HPX: variants seen among roughly 807,000 people sequenced by gnomAD.
HPX encodes the protein beta-1B-glycoprotein.
In HPX, 42 loss-of-function variants were observed where a neutral mutation model predicts 53.8. The observed-to-expected ratio is 0.78, with a 90% CI of 0.61 to 1.01. The LOEUF (loss-of-function observed/expected upper bound fraction) is 1.01, where lower values mean the gene tolerates loss of function less well. Among genes scored for constraint, HPX ranks in the 50% least tolerant of loss-of-function variants. HPX has a pLI of 0.00. For missense variants in HPX, 547 were observed against 594.3 expected (o/e 0.92, Z 0.83); for synonymous variants, 229 against 221.1 (o/e 1.04, Z -0.32).
In HPX at chr11:6,431,399, C is replaced by T. The variant is rs760245283; in HGVS notation, c.1201G>A (p.Glu401Lys). The change falls in exon 10 of 10, where the codon GAG becomes AAG. Residue 401 changes from glutamate (E) to lysine (K), a missense_variant. Physicochemically the swap from Glu to Lys is moderately conservative, Grantham distance 56 (BLOSUM62 1). Transcript: ENST00000265983. ...ATACACAAGGCTCCGTCTACCTTCT[C>T]ATGGGGCCAAGGAAGCTCTGTCCAC... Reference protein sequence around the residue: ...ATWTELPWPHEKVDGALCMEK... With the variant: ...ATWTELPWPHKKVDGALCMEK... The T allele has an allele frequency of 6.2e-7, 1 of 1,614,258 alleles. No homozygotes were observed. The highest frequency in any genetic ancestry group is 2.2e-5 in the East Asian group (1 of 44,894).
chr11:6,439,376 A>T (rs1421262159), intron 4 of HPX, among the ~76,000 whole-genome samples: 1 of 152,230 alleles, frequency 6.6e-6, no homozygotes, highest in Non-Finnish European at 1.5e-5. Context: ...CAGGAAACAC[A>T]GGAGGAAAGG....
intron 7 of HPX, among the ~76,000 whole-genome samples, chr11:6,434,506 T>G (rs959515974): frequency 3.3e-5 from 5 of 152,112 alleles, no homozygotes; most frequent in African/African-American, 1.2e-4. Flanking sequence ...ATTTTTTGTA[T>G]TTTTAGTAGA....
chr11:6,440,507 A>C lies in HPX; in HGVS notation c.174T>G (p.Ala58=). ...ERCSDGWSFD[A]TTLDDNGTML... ...TGGTTCCATTGTCATCCAGGGTGGT[A>C]GCATCAAAGCTCCAGCCATCTGAGC... is the stretch of plus-strand genomic sequence containing the variant. Residue 58 remains alanine (A), a synonymous_variant, in exon 3 of 10, where the codon GCT becomes GCG. Transcript: ENST00000265983. 6.5e-7 allele frequency: 1 copy of C among 1,546,630 alleles called. No individual in the cohort carries two copies. Among genetic ancestry groups the C allele is most frequent in the South Asian group, 1.1e-5 (1 of 89,914 alleles).
intron 7 of HPX, among the ~76,000 whole-genome samples, chr11:6,435,176 G>A (rs77400169): frequency 1.3e-5 from 2 of 152,278 alleles, no homozygotes; most frequent in African/African-American, 4.8e-5. Flanking sequence ...ACGGGAGGCT[G>A]AGGCAGGAGG....
intron 7 of HPX, 142 bp downstream of exon 7, chr11:6,436,904 T>A: frequency 1.1e-6 from 1 of 883,686 alleles, no homozygotes; most frequent in Non-Finnish European, 1.8e-6. Context: ...AGATGAGGGA[T>A]GCAGAAGGGC....
At chr11:6,432,094 A>T in intron 7 of HPX, 77 bp from the exon 8 acceptor site, 1 of 1,542,644 alleles carries the variant, frequency 6.5e-7, no homozygotes, top group Non-Finnish European at 8.9e-7. Flanking sequence ...GAATGCAGAA[A>T]TGAGTCATGA....
intron 5 of HPX, 161 bp downstream of exon 5, chr11:6,438,195 C>T (rs1016978745): frequency 3.0e-5 from 21 of 708,696 alleles, no homozygotes; most frequent in Non-Finnish European, 4.7e-5. Context: ...CCTCTCCTTC[C>T]CTCACGTGAC....
At chr11:6,436,592 G>A (rs1384490193) in intron 7 of HPX, among the ~76,000 whole-genome samples, 1 of 152,218 alleles carries the variant, frequency 6.6e-6, no homozygotes, top group Non-Finnish European at 1.5e-5. Context: ...ATGCCCAGGG[G>A]TCTGGACATA....
Position 6,440,268 on chromosome 11 carries a change from C to A in HPX, c.233G>T (p.Ser78Ile). ...LFFKGEFVWK[S>I]HKWDRELISE... ...GATTAACTCCCGGTCCCATTTGTGA[C>A]TCTTCCACACAAACTCCCCTGAAAA... is the stretch of plus-strand genomic sequence containing the variant. The change falls in exon 4 of 10, where the codon AGT becomes ATT. Residue 78 changes from serine (S) to isoleucine (I), a missense_variant. Coordinates refer to ENST00000265983, the MANE Select transcript of HPX (RefSeq NM_000613.3). 1 of 1,614,014 alleles carries A rather than the reference C, an allele frequency of 6.2e-7. No individual in the cohort carries two copies. The highest frequency in any genetic ancestry group is 8.5e-7 in the Non-Finnish European group (1 of 1,180,024).
rs575933587 is a variant in HPX at position 6,438,372 on chromosome 11, G to A, written c.474C>T (p.Gly158=). ...TGGACTGACCTTGGAAGAAGAGGAC[G>A]CCTTCAGCTTGACATTCTCCACGGT... ...ECHRGECQAE[G]VLFFQGDREW... The change falls in exon 5 of 10, where the codon GGC becomes GGT. Residue 158 remains glycine, a synonymous_variant. Coordinates refer to ENST00000265983, the MANE Select transcript of HPX (RefSeq NM_000613.3). The A allele has an allele frequency of 3.9e-5, 63 of 1,614,100 alleles. No homozygotes were observed. In the South Asian group the frequency reaches 5.7e-4, roughly 15 times the overall value.
rs1590804992 is a variant in HPX at position 6,437,120 on chromosome 11, T to C, written c.761A>G (p.Tyr254Cys). 1.2e-6 allele frequency: 2 copies of C among 1,614,142 alleles called. No individual in the cohort carries two copies. The change falls in exon 7 of 10, where the codon TAT (tyrosine) becomes TGT (cysteine). Residue 254 changes from tyrosine (Y) to cysteine (C), a missense_variant. Coordinates refer to ENST00000265983, the MANE Select transcript of HPX (RefSeq NM_000613.3). ...GACTAGATGTGGGCTACAGCGCATA[T>C]ACTCAGGGCCATGGTGGGTACTGTT... ...HGNSTHHGPEYMRCSPHLVLS... is the reference protein window; with the variant it reads ...HGNSTHHGPECMRCSPHLVLS...
intron 7 of HPX, 79 bp from the exon 8 acceptor site, chr11:6,432,096 G>T: frequency 1.3e-6 from 2 of 1,526,452 alleles, no homozygotes; most frequent in Non-Finnish European, 1.8e-6. Flanking sequence ...ATGCAGAAAT[G>T]AGTCATGAGA....
At chr11:6,431,613 G>A in intron 9 of HPX, 28 bp downstream of exon 9, 2 of 1,611,984 alleles carry the variant, frequency 1.2e-6, no homozygotes, top group East Asian at 2.2e-5. Flanking sequence ...AGAACAAGCT[G>A]CCCTCTAAGC....
chr11:6,432,483 TCTC>T (rs1379112197), intron 7 of HPX, among the ~76,000 whole-genome samples: 5 of 152,324 alleles, frequency 3.3e-5, no homozygotes, highest in Admixed American at 2.0e-4. Flanking sequence ...CCGTTTTTCT[TCTC>T]CTCTTTTCAC....
chr11:6,438,513 C>T lies in HPX; in HGVS notation c.337-4G>A. 15 of 1,613,616 alleles carry T rather than the reference C, an allele frequency of 9.3e-6. No individual in the cohort carries two copies. Among genetic ancestry groups the T allele is most frequent in the Non-Finnish European group, 1.3e-5 (15 of 1,179,554 alleles). On this transcript the variant is annotated splice_region_variant and splice_polypyrimidine_tract_variant and intron_variant, in intron 4 of 9. Coordinates refer to ENST00000265983, the MANE Select transcript of HPX (RefSeq NM_000613.3). ...GGTATACCCAGACTTTGTCCCCCTG[C>T]ATTCAAAAGTACTCTCTTTTTGACT...
chr11:6,433,075 A>G (rs573496086), intron 7 of HPX, among the ~76,000 whole-genome samples: 1 of 152,278 alleles, frequency 6.6e-6, no homozygotes, highest in East Asian at 1.9e-4. Flanking sequence ...GTCTTTCCCA[A>G]TTTTAGAAAA....
intron 4 of HPX, among the ~76,000 whole-genome samples, chr11:6,439,312 C>T (rs1849456053): frequency 6.6e-6 from 1 of 152,158 alleles, no homozygotes; most frequent in African/African-American, 2.4e-5. Flanking sequence ...TCATGAGACC[C>T]TGTGTGCACT....
Position 6,431,433 on chromosome 11 carries a change from G to A in HPX, c.1167C>T (p.Ala389=). Residue 389 remains alanine, a synonymous_variant, in exon 10 of 10, where the codon GCC becomes GCT. Transcript: ENST00000265983. Reference sequence around the variant, plus strand: ...AAGGAAGCTCTGTCCACGTGGCTTGGGCTCCTGACTTCAGGTCCAGCCACC... The same window carrying A: ...AAGGAAGCTCTGTCCACGTGGCTTGAGCTCCTGACTTCAGGTCCAGCCACC... The part of the protein sequence containing the change: ...RLWWLDLKSG[A]QATWTELPWP... 6.2e-7 allele frequency: 1 copy of A among 1,614,232 alleles called. No homozygotes were observed. Among genetic ancestry groups the A allele is most frequent in the South Asian group, 1.1e-5 (1 of 91,086 alleles).
At position 6,431,395 on chromosome 11, in the gene HPX, T is replaced by C; in HGVS notation, c.1205A>G (p.Lys402Arg). 6.2e-7 allele frequency: 1 copy of C among 1,614,258 alleles called. No individual in the cohort carries two copies. The highest frequency in any genetic ancestry group is 2.2e-5 in the East Asian group (1 of 44,896). Residue 402 changes from lysine to arginine, a missense_variant, in exon 10 of 10, where the codon AAG becomes AGG. By Grantham distance (26) the Lys-to-Arg change is conservative. Coordinates refer to ENST00000265983, the MANE Select transcript of HPX (RefSeq NM_000613.3). ...TWTELPWPHE[K>R]VDGALCMEKS... ...TTCCATACACAAGGCTCCGTCTACC[T>C]TCTCATGGGGCCAAGGAAGCTCTGT... is the stretch of plus-strand genomic sequence containing the variant.
Sources: gnomAD v4.1 joint callset for allele counts (sites outside exome capture counted in the v4.1 genomes callset) on GRCh38, gnomAD v4.1.1 for gene constraint, MANE v1.5 for transcripts, NCBI Gene and HGNC (gene_info 2026-07-23, HGNC 2026-07-21) for gene names.